The following FBXL13 variants were observed in gnomAD, a reference collection of about 807,000 sequenced individuals.
The protein encoded by FBXL13 is F-box and leucine-rich repeat protein 13.
A neutral mutation model predicts 83.6 loss-of-function variants in FBXL13; 67 were observed. The ratio of observed to expected loss-of-function variants is 0.80; its 90% CI spans 0.66 to 0.98. The LOEUF (loss-of-function observed/expected upper bound fraction) is 0.98. Among genes scored for constraint, FBXL13 ranks in the 50% least tolerant of loss-of-function variants. The pLI, the probability that FBXL13 is intolerant of heterozygous loss-of-function variation, is 0.00. For synonymous variants in FBXL13, 272 were observed against 299.5 expected (o/e 0.91, Z 0.95); for missense variants, 822 against 866.5 (o/e 0.95, Z 0.64).
At chr7:103,014,937 A>G (rs1345242351) in intron 6 of FBXL13, among the ~76,000 whole-genome samples, 78 of 150,780 alleles carry the variant, frequency 5.2e-4, no homozygotes, top group African/African-American at 1.8e-3. Context: ...AAAAAAAAAA[A>G]AAAAAAAAAA....
intron 1 of FBXL13, among the ~76,000 whole-genome samples, chr7:103,063,170 T>C (rs1798082445): frequency 6.6e-6 from 1 of 152,186 alleles, no homozygotes; most frequent in African/African-American, 2.4e-5. Flanking sequence ...TCTTCACCTT[T>C]CCTATGCAGG....
At chr7:102,945,756 T>G (rs1252379601) in intron 8 of FBXL13, among the ~76,000 whole-genome samples, 3 of 152,266 alleles carry the variant, frequency 2.0e-5, no homozygotes, top group African/African-American at 4.8e-5. Context: ...TTTCCTTTCA[T>G]GCTGAGTTGA....
intron 18 of FBXL13, among the ~76,000 whole-genome samples, chr7:102,825,980 AAAGT>A (rs1161350691): frequency 6.6e-6 from 1 of 152,238 alleles, no homozygotes; most frequent in African/African-American, 2.4e-5. Flanking sequence ...TGACTAGCAT[AAAGT>A]AAGCACTCAA....
intron 6 of FBXL13, among the ~76,000 whole-genome samples, chr7:103,015,767 A>C (rs1032767177): frequency 4.3e-5 from 6 of 139,376 alleles, no homozygotes; most frequent in African/African-American, 1.4e-4. Flanking sequence ...ACTGCACTCC[A>C]GCCTGGGTAA....
chr7:103,060,021 T>TATATATAC lies in FBXL13; in HGVS notation c.-104-4275_-104-4274insGTATATAT, dbSNP rs1585609565. Among the ~76,000 whole-genome samples, 3 of 7,818 alleles carry TATATATAC rather than the reference T, an allele frequency of 3.8e-4. 1 individual carries two copies. The Admixed American group carries it at 4.2e-3, about 11-fold the overall frequency. 5.1% of individuals were successfully genotyped at this position (7,818 alleles called of 152,430 possible). ...AACAGATAATGATAGCAAGATATTTTATATATATATATATATATATATATA... is the reference window on the plus strand; with the variant it reads ...AACAGATAATGATAGCAAGATATTTTATATATACATATATATATATATATATATATATA... On this transcript the variant is annotated intron_variant, in intron 1 of 19. Transcript: ENST00000313221.
At chr7:102,920,510 C>G (rs1816768569) in intron 10 of FBXL13, among the ~76,000 whole-genome samples, 2 of 151,980 alleles carry the variant, frequency 1.3e-5, no homozygotes. Flanking sequence ...CCACCACACC[C>G]AACTAATTTT....
chr7:102,880,344 AT>A (rs1202351580), intron 14 of FBXL13, among the ~76,000 whole-genome samples: 1 of 152,182 alleles, frequency 6.6e-6, no homozygotes, highest in Non-Finnish European at 1.5e-5. Flanking sequence ...CCTATATGTT[AT>A]ACTTTTTCAT....
intron 5 of FBXL13, among the ~76,000 whole-genome samples, chr7:103,026,433 A>T (rs1230337952): frequency 6.6e-6 from 1 of 152,214 alleles, no homozygotes; most frequent in African/African-American, 2.4e-5. Context: ...CACTAGCTTA[A>T]CATACAGACT....
intron 17 of FBXL13, among the ~76,000 whole-genome samples, chr7:102,849,119 T>C (rs764944864): frequency 2.0e-5 from 3 of 152,204 alleles, no homozygotes; most frequent in Non-Finnish European, 2.9e-5. Flanking sequence ...CCCATTTCTT[T>C]GCCATACTTT....
In FBXL13 at chr7:102,934,769, G is replaced by A. The variant is rs137954239; in HGVS notation, c.725-2836C>T. ...TATAATCCTCCCTACATCCCACCAT[G>A]TCTTGGAATTCGTGATGTCACTTCC... On this transcript the variant is annotated intron_variant, in intron 8 of 19. Transcript: ENST00000313221. 1.6e-3 allele frequency: 1,903 copies of A among 1,219,140 alleles called. 44 individuals carry two copies. In the Admixed American group the frequency reaches 0.043, roughly 27 times the overall value. The allele number at this position is 1,219,140 out of a possible 1,614,324, so 75.5% of individuals were successfully genotyped here.
chr7:102,953,914 T>C (rs558441226), intron 8 of FBXL13, among the ~76,000 whole-genome samples: 1 of 152,216 alleles, frequency 6.6e-6, no homozygotes, highest in Non-Finnish European at 1.5e-5. Flanking sequence ...TATACACATA[T>C]ACCTATAGGG....
At chr7:102,952,921 T>C (rs1823641740) in intron 8 of FBXL13, among the ~76,000 whole-genome samples, 1 of 151,920 alleles carries the variant, frequency 6.6e-6, no homozygotes. Flanking sequence ...AAGGCAGAGG[T>C]TCCAGTGAGC....
chr7:102,987,851 C>T (rs954671991), intron 6 of FBXL13, among the ~76,000 whole-genome samples: 9 of 152,090 alleles, frequency 5.9e-5, no homozygotes, highest in African/African-American at 1.7e-4. Flanking sequence ...GGGGAAGTAA[C>T]GGCTTCAAGC....
intron 6 of FBXL13, among the ~76,000 whole-genome samples, chr7:102,982,664 C>G (rs576791302): frequency 2.6e-5 from 4 of 152,316 alleles, no homozygotes; most frequent in Admixed American, 2.6e-4. Flanking sequence ...TTCCTCTGCA[C>G]AAGCTCTCTT....
chr7:102,813,434 C>G (rs1562888575), exon 20 of FBXL13: 4 of 1,614,172 alleles, frequency 2.5e-6, no homozygotes, highest in Non-Finnish European at 3.4e-6. Context: ...AGCTCTGTAA[C>G]AGGGTTTCCT....
At chr7:102,942,299 G>A in intron 8 of FBXL13, 14 of 1,599,500 alleles carry the variant, frequency 8.8e-6, no homozygotes, top group East Asian at 4.6e-5. Context: ...GGGTCTTTGA[G>A]ATGAAACCCT....
At chr7:102,909,530 C>T (rs895446984) in intron 11 of FBXL13, among the ~76,000 whole-genome samples, 1 of 152,100 alleles carries the variant, frequency 6.6e-6, no homozygotes, top group African/African-American at 2.4e-5. Flanking sequence ...AGAGGCTCAC[C>T]CAAGGCCCTC....
intron 17 of FBXL13, among the ~76,000 whole-genome samples, chr7:102,842,373 T>A (rs776245134): frequency 2.0e-5 from 3 of 152,172 alleles, no homozygotes; most frequent in Non-Finnish European, 4.4e-5. Context: ...TAAAAAAAAA[T>A]GTTGCTACAT....
chr7:102,957,493 A>G (rs1324142308), intron 8 of FBXL13, among the ~76,000 whole-genome samples: 1 of 152,206 alleles, frequency 6.6e-6, no homozygotes, highest in Non-Finnish European at 1.5e-5. Flanking sequence ...TTCATGACTA[A>G]AACACCAAAA....
Sources: gnomAD v4.1 joint callset for allele counts (sites outside exome capture counted in the v4.1 genomes callset) on GRCh38, gnomAD v4.1.1 for gene constraint, MANE v1.5 for transcripts, NCBI Gene and HGNC (gene_info 2026-07-23, HGNC 2026-07-21) for gene names.